Variants in LRP1B observed in about 807,000 individuals in gnomAD.
LRP1B encodes the protein low-density lipoprotein receptor-related protein 1B.
A neutral mutation model predicts 556.6 loss-of-function variants in LRP1B; 217 were observed. The ratio of observed to expected loss-of-function variants is 0.39; its 90% CI spans 0.35 to 0.44. The LOEUF (loss-of-function observed/expected upper bound fraction) is 0.44, where lower values mean the gene tolerates loss of function less well. Ranked by LOEUF, LRP1B falls within the 20% of genes least tolerant of loss-of-function variation. The pLI, the probability that LRP1B is intolerant of heterozygous loss-of-function variation, is 1.00. For missense variants in LRP1B, 5,053 were observed against 5,620.8 expected, an observed-to-expected ratio of 0.90 and a Z score of 3.23; for synonymous variants, 2,047 against 1,865.8, an observed-to-expected ratio of 1.10 and a Z score of -2.50.
At position 140,321,969 on chromosome 2, in the gene LRP1B, G is replaced by A. The variant is rs375754113; in HGVS notation, c.12634C>T (p.Leu4212=). 3.7e-6 allele frequency: 6 copies of A among 1,612,316 alleles called. No homozygotes were observed. In the African/African-American group the frequency reaches 6.7e-5, roughly 18 times the overall value. Residue 4212 remains leucine (L), a synonymous_variant, in exon 82 of 91, where the codon CTG becomes TTG. Coordinates refer to ENST00000389484, the MANE Select transcript of LRP1B (RefSeq NM_018557.3). ...AATAATAAAGTATACCCACCTAACA[G>A]GCTGTCATCATTGCAGGTGCCATTA... ...LINGTCNDDS[L]LDDSCKLTCE...
chr2:141,618,797 T>G (rs917234651), intron 2 of LRP1B, among the ~76,000 whole-genome samples: 2 of 152,224 alleles, frequency 1.3e-5, no homozygotes, highest in Non-Finnish European at 2.9e-5. Context: ...GTCACCCTTC[T>G]GCACCTCATG....
chr2:141,063,188 A>G (rs1179101204), intron 7 of LRP1B, among the ~76,000 whole-genome samples: 1 of 151,834 alleles, frequency 6.6e-6, no homozygotes, highest in East Asian at 1.9e-4. Context: ...GAATAATCCA[A>G]TTTACAGTGA....
intron 7 of LRP1B, among the ~76,000 whole-genome samples, chr2:141,118,286 G>A (rs1043301480): frequency 3.3e-5 from 5 of 151,866 alleles, no homozygotes; most frequent in Middle Eastern, 3.4e-3. Flanking sequence ...TTTGTTTCAG[G>A]CAGTTATATT....
At chr2:141,425,043 A>G (rs144408325) in intron 3 of LRP1B, among the ~76,000 whole-genome samples, 8,127 of 150,488 alleles carry the variant, frequency 0.054, 316 homozygotes, top group South Asian at 0.14. Flanking sequence ...AGCATTAGGT[A>G]TATCTCCTAA....
intron 1 of LRP1B, 39 bp downstream of exon 1, chr2:142,130,609 G>A (rs757971566): frequency 1.3e-6 from 2 of 1,548,278 alleles, no homozygotes; most frequent in South Asian, 1.2e-5. Flanking sequence ...GGAAAGCCAA[G>A]GAAGTCAGGG....
chr2:141,772,085 G>A (rs1694919460), intron 2 of LRP1B, among the ~76,000 whole-genome samples: 1 of 152,012 alleles, frequency 6.6e-6, no homozygotes, highest in Non-Finnish European at 1.5e-5. Context: ...CAAAGTGCTG[G>A]GATTACCACC....
chr2:141,604,934 G>A (rs1559171300), intron 2 of LRP1B, among the ~76,000 whole-genome samples: 1 of 152,060 alleles, frequency 6.6e-6, no homozygotes, highest in Admixed American at 6.5e-5. Context: ...TATAACACAG[G>A]TGGGCTGGGG....
intron 7 of LRP1B, among the ~76,000 whole-genome samples, chr2:141,150,867 GTT>G (rs1491325926): frequency 0.017 from 1,693 of 97,172 alleles, 44 homozygotes; most frequent in Admixed American, 0.09. Flanking sequence ...TGTCATGCTG[GTT>G]TGTGTGTGTG....
At chr2:141,243,143 TTA>T (rs1225714665) in intron 5 of LRP1B, among the ~76,000 whole-genome samples, 71 of 92,800 alleles carry the variant, frequency 7.7e-4, no homozygotes, top group Admixed American at 1.2e-3. Flanking sequence ...ATTATTATTT[TTA>T]TTTTTTTTTT....
intron 41 of LRP1B, among the ~76,000 whole-genome samples, chr2:140,694,339 T>C (rs1411832130): frequency 6.6e-6 from 1 of 152,186 alleles, no homozygotes; most frequent in East Asian, 1.9e-4. Flanking sequence ...AAAACAAATG[T>C]TATTTCCCTC....
chr2:140,926,820 A>C (rs2105264704), intron 20 of LRP1B, among the ~76,000 whole-genome samples: 1 of 151,784 alleles, frequency 6.6e-6, no homozygotes, highest in African/African-American at 2.4e-5. Flanking sequence ...GGTTTTCTTG[A>C]CTCTCAAGGT....
At chr2:141,639,349 T>TATACACAC (rs1262198983) in intron 2 of LRP1B, among the ~76,000 whole-genome samples, 23 of 56,094 alleles carry the variant, frequency 4.1e-4, no homozygotes, top group African/African-American at 8.7e-4. Flanking sequence ...TATATATATA[T>TATACACAC]ACACACACAC....
intron 10 of LRP1B, among the ~76,000 whole-genome samples, chr2:141,052,006 A>G (rs978799628): frequency 2.0e-5 from 3 of 151,960 alleles, no homozygotes; most frequent in African/African-American, 7.2e-5. Flanking sequence ...TCTATGTTGA[A>G]CCATTATCTT....
chr2:140,810,858 C>T (rs1559133077), intron 32 of LRP1B, among the ~76,000 whole-genome samples: 1 of 152,096 alleles, frequency 6.6e-6, no homozygotes, highest in Non-Finnish European at 1.5e-5. Flanking sequence ...TGCCTCACCT[C>T]CCAAGTAGCT....
intron 3 of LRP1B, among the ~76,000 whole-genome samples, chr2:141,316,662 A>G (rs1687045969): frequency 6.6e-6 from 1 of 152,198 alleles, no homozygotes; most frequent in Admixed American, 6.5e-5. Context: ...ATTGAAGGGT[A>G]CATAAAGAAA....
chr2:141,263,729 G>A (rs1357368330), intron 3 of LRP1B, among the ~76,000 whole-genome samples: 1 of 152,056 alleles, frequency 6.6e-6, no homozygotes, highest in Non-Finnish European at 1.5e-5. Flanking sequence ...CATTCCTTAT[G>A]AATATAGATG....
intron 1 of LRP1B, among the ~76,000 whole-genome samples, chr2:141,964,166 T>A (rs1002425869): frequency 7.3e-5 from 11 of 150,728 alleles, no homozygotes; most frequent in Admixed American, 3.3e-4. Context: ...ATGGCCATAC[T>A]GCCCAAGGTA....
chr2:141,134,738 T>A (rs1334078602), intron 7 of LRP1B, among the ~76,000 whole-genome samples: 1 of 142,066 alleles, frequency 7.0e-6, no homozygotes, highest in East Asian at 2.1e-4. Context: ...AAAAAAAAAA[T>A]GAAACAAGGG....
chr2:141,320,994 A>G (rs188640241), intron 3 of LRP1B, among the ~76,000 whole-genome samples: 10 of 152,226 alleles, frequency 6.6e-5, no homozygotes, highest in African/African-American at 1.9e-4. Context: ...ATAACAAAAT[A>G]TTTTTAATCA....
Sources: allele counts gnomAD v4.1 joint callset (sites outside exome capture counted in the v4.1 genomes callset), GRCh38; gene constraint gnomAD v4.1.1; transcripts MANE v1.5; gene names NCBI Gene and HGNC (gene_info 2026-07-23, HGNC 2026-07-21).